RAD51B: variants seen among roughly 807,000 people sequenced by gnomAD.
The protein encoded by RAD51B is RAD51 paralog B, also known as DNA repair protein RAD51 homolog 2.
Under a neutral mutation model 42.2 loss-of-function variants are expected in RAD51B, and 38 were observed. The ratio of observed to expected loss-of-function variants is 0.90; its 90% confidence interval spans 0.70 to 1.18. The LOEUF (loss-of-function observed/expected upper bound fraction) is 1.18. RAD51B is among the 50% of genes most tolerant of loss of function. The pLI, the probability that RAD51B is intolerant of heterozygous loss-of-function variation, is 0.00. For missense variants in RAD51B, 373 were observed against 400.7 expected, an observed-to-expected ratio of 0.93 and a Z score of 0.59; for synonymous variants, 154 against 145.2, an observed-to-expected ratio of 1.06 and a Z score of -0.43.
chr14:67,919,687 G>A (rs187222886), intron 7 of RAD51B, among the ~76,000 whole-genome samples: 1 of 152,268 alleles, frequency 6.6e-6, no homozygotes, highest in African/African-American at 2.4e-5. Flanking sequence ...GATATGCACC[G>A]TACACGTTAA....
chr14:68,643,628 T>C (rs186535975), intron 10 of RAD51B, among the ~76,000 whole-genome samples: 1 of 152,356 alleles, frequency 6.6e-6, no homozygotes, highest in East Asian at 1.9e-4. Context: ...TTTTTATTAC[T>C]TTGTTTTATC....
At chr14:68,098,911 G>C (rs2077242714) in intron 7 of RAD51B, among the ~76,000 whole-genome samples, 1 of 152,190 alleles carries the variant, frequency 6.6e-6, no homozygotes, top group Non-Finnish European at 1.5e-5. Context: ...TGGGGAGGTG[G>C]TTCTGGGCAG....
chr14:68,407,848 G>GGAGCAGGGGGAAGAAGTCTGGAA (rs2084317112), intron 8 of RAD51B, among the ~76,000 whole-genome samples: 1 of 152,170 alleles, frequency 6.6e-6, no homozygotes, highest in South Asian at 2.1e-4. Context: ...TGTGGGAAAT[G>GGAGCAGGGGGAAGAAGTCTGGAA]GAGCAGGGGG....
At chr14:68,595,743 G>C in exon 11 of RAD51B, 1 of 629,384 alleles carries the variant, frequency 1.6e-6, no homozygotes, top group East Asian at 5.5e-5. Context: ...TTATGTGTCA[G>C]AAGAAGGCTT....
At chr14:68,373,418 A>G (rs1288424113) in intron 8 of RAD51B, among the ~76,000 whole-genome samples, 1 of 152,232 alleles carries the variant, frequency 6.6e-6, no homozygotes, top group Non-Finnish European at 1.5e-5. Flanking sequence ...TGGCACATAT[A>G]CACTATGGAG....
In RAD51B at chr14:68,477,746, C is replaced by G. The variant is rs185990519; in HGVS notation, c.*82C>G. ...GACCGTACTGCTTGGAAGAAGGAAA[C>G]GGAAGCTGACATAATGGGGATTAAT... is the stretch of plus-strand genomic sequence containing the variant. On this transcript the variant is annotated 3_prime_UTR_variant, in exon 11 of 11. Coordinates refer to ENST00000471583, the MANE Select transcript of RAD51B (RefSeq NM_133510.4). 6.3e-7 allele frequency: 1 copy of G among 1,575,962 alleles called. No individual in the cohort carries two copies. Among genetic ancestry groups the G allele is most frequent in the African/African-American group, 1.4e-5 (1 of 71,888 alleles).
intron 7 of RAD51B, among the ~76,000 whole-genome samples, chr14:67,893,087 C>G (rs773086642): frequency 1.3e-5 from 2 of 152,046 alleles, no homozygotes; most frequent in Admixed American, 1.3e-4. Context: ...CCTTGACATG[C>G]AGGGGTGCTA....
At chr14:68,603,825 G>A (rs1052722417) in intron 10 of RAD51B, among the ~76,000 whole-genome samples, 3 of 152,330 alleles carry the variant, frequency 2.0e-5, no homozygotes, top group Non-Finnish European at 4.4e-5. Flanking sequence ...CCCTGCGGCC[G>A]CGCTGGCCCC....
chr14:68,474,031 C>T (rs893146107), intron 10 of RAD51B, among the ~76,000 whole-genome samples: 8 of 152,298 alleles, frequency 5.3e-5, no homozygotes, highest in East Asian at 1.9e-4. Context: ...ACACAGGCCA[C>T]GTGATACACA....
chr14:68,209,812 C>A (rs1336941030), intron 7 of RAD51B, among the ~76,000 whole-genome samples: 1 of 152,150 alleles, frequency 6.6e-6, no homozygotes, highest in East Asian at 1.9e-4. Context: ...TCGTGATTTT[C>A]TTCCTCCTGC....
chr14:68,454,041 C>G (rs1192487341), intron 9 of RAD51B, among the ~76,000 whole-genome samples: 1 of 152,062 alleles, frequency 6.6e-6, no homozygotes, highest in Non-Finnish European at 1.5e-5. Context: ...CAAGGAAGAG[C>G]ACCTGGAAAT....
intron 7 of RAD51B, among the ~76,000 whole-genome samples, chr14:68,100,208 T>A (rs1316160617): frequency 6.6e-6 from 1 of 152,188 alleles, no homozygotes; most frequent in East Asian, 1.9e-4. Context: ...AGGAAACTGA[T>A]CAAATATGAA....
chr14:68,565,498 A>AT lies in RAD51B; in HGVS notation c.1037-28987_1037-28986insT, dbSNP rs1889378486. ...GAGTGAGACTCTGTCTCAAAAAAAA[A>AT]AGAAGTTCTTTCTTACATTGAGGTG... On this transcript the variant is annotated intron_variant, in intron 10 of 10. Coordinates refer to the RAD51B transcript ENST00000487270. This position sits in a 1 kb window ranked among gnomAD's most constrained non-coding sequence, Gnocchi z 4.1. 6.6e-6 allele frequency among the ~76,000 whole-genome samples: 1 copy of AT among 152,054 alleles called. No homozygotes were observed. The highest frequency in any genetic ancestry group is 6.5e-5 in the Admixed American group (1 of 15,278).
chr14:68,105,559 G>A (rs982585099), intron 7 of RAD51B, among the ~76,000 whole-genome samples: 1 of 151,790 alleles, frequency 6.6e-6, no homozygotes, highest in Admixed American at 6.6e-5. Context: ...TTTTTACTAA[G>A]TATGCATTGT....
At chr14:67,840,806 C>CTTTTTTTTTTTT (rs139189527) in intron 4 of RAD51B, among the ~76,000 whole-genome samples, 1 of 145,154 alleles carries the variant, frequency 6.9e-6, no homozygotes, top group Non-Finnish European at 1.5e-5. Context: ...TATTTTTTGA[C>CTTTTTTTTTTTT]TTTTTTTTTT....
intron 7 of RAD51B, among the ~76,000 whole-genome samples, chr14:68,077,520 A>G (rs1008963432): frequency 1.3e-5 from 2 of 152,264 alleles, no homozygotes; most frequent in African/African-American, 4.8e-5. Flanking sequence ...TTTTCTAAGC[A>G]TACACACATT....
chr14:68,609,886 G>A, intron 10 of RAD51B, among the ~76,000 whole-genome samples: 1 of 152,008 alleles, frequency 6.6e-6, no homozygotes, highest in East Asian at 1.9e-4. Flanking sequence ...CCCCTCCATG[G>A]GTTCTCCTGG....
At chr14:68,431,951 T>G (rs2085019277) in intron 9 of RAD51B, among the ~76,000 whole-genome samples, 1 of 152,206 alleles carries the variant, frequency 6.6e-6, no homozygotes, top group Admixed American at 6.5e-5. Flanking sequence ...GTATGTTGTG[T>G]CTTTGTTCTC....
intron 7 of RAD51B, among the ~76,000 whole-genome samples, chr14:68,087,861 TATATA>T (rs371691305): frequency 0.012 from 1,573 of 128,240 alleles, 124 homozygotes; most frequent in African/African-American, 0.039. Context: ...TATATATAAT[TATATA>T]ATATATTATT....
Sources: gnomAD v4.1 joint callset for allele counts (sites outside exome capture counted in the v4.1 genomes callset) on GRCh38, gnomAD v4.1.1 for gene constraint, Gnocchi (gnomAD v3.1) non-coding constraint, MANE v1.5 for transcripts, NCBI Gene and HGNC (gene_info 2026-07-23, HGNC 2026-07-21) for gene names.